LAMB3: variants seen among roughly 807,000 people sequenced by gnomAD.
LAMB3 encodes the protein laminin subunit beta-3.
Under a neutral mutation model 140.3 loss-of-function variants are expected in LAMB3, and 104 were observed. That is an observed-to-expected ratio of 0.74 (90% CI 0.63 to 0.87). LAMB3 has a LOEUF of 0.87. LAMB3 is among the 40% of genes least tolerant of loss of function. The pLI is 0.00. For missense variants in LAMB3, 1,531 were observed against 1,575.2 expected (o/e 0.97, Z 0.47); for synonymous variants, 592 against 602.9 (o/e 0.98, Z 0.26).
At chr1:209,632,991 A>C in intron 7 of LAMB3, 79 bp downstream of exon 7, 1 of 1,211,660 alleles carries the variant, frequency 8.3e-7, no homozygotes, top group South Asian at 1.2e-5. Context: ...AAAGACCAGG[A>C]AATTTCCATG....
chr1:209,626,005 C>T lies in LAMB3; in HGVS notation c.1619G>A (p.Gly540Glu), dbSNP rs758869121. The change falls in exon 14 of 23, where the codon GGA becomes GAA. Residue 540 changes from glycine (G) to glutamate (E), a missense_variant. Gly to Glu is a moderately conservative substitution (Grantham distance 98, BLOSUM62 -2). Transcript: ENST00000356082. Reference protein sequence around the residue: ...GCRACDCDFRGTEGPGCDKAS... With the variant: ...GCRACDCDFRETEGPGCDKAS... ...CTTGTCGCAGCCCGGGCCCTCTGTT[C>T]CCCGGAAATCACAGTCACAGGCTAG... 1.2e-6 allele frequency: 2 copies of T among 1,612,964 alleles called. No individual in the cohort carries two copies. Among genetic ancestry groups the T allele is most frequent in the South Asian group, 2.2e-5 (2 of 90,940 alleles).
Position 209,625,928 on chromosome 1 carries a change from G to C in LAMB3, c.1696C>G (p.Gln566Glu), listed in dbSNP as rs766530868. Residue 566 changes from glutamine to glutamate, a missense_variant, in exon 14 of 23, where the codon CAG becomes GAG. Physicochemically the swap from Gln to Glu is conservative, Grantham distance 29. Coordinates refer to ENST00000356082, the MANE Select transcript of LAMB3 (RefSeq NM_000228.3). ...CGATTACAGTAGCCTCGCTGGCACT[G>C]GTCACAGCGGGGCCCGGTCAAGCCA... The part of the protein sequence containing the change: ...RPGLTGPRCD[Q>E]CQRGYCNRYP... 1 of 1,613,784 alleles carries C rather than the reference G, an allele frequency of 6.2e-7. No individual in the cohort carries two copies. Among genetic ancestry groups the C allele is most frequent in the Non-Finnish European group, 8.5e-7 (1 of 1,179,876 alleles).
intron 6 of LAMB3, among the ~76,000 whole-genome samples, chr1:209,633,562 C>CA (rs753607815): frequency 0.043 from 6,002 of 140,686 alleles, 373 homozygotes; most frequent in African/African-American, 0.14. Context: ...TTGATTTATT[C>CA]AAAAAAAAAA....
Position 209,623,730 on chromosome 1 carries a change from G to A in LAMB3, c.2138-5C>T, listed in dbSNP as rs1666304897. 3.1e-6 allele frequency: 5 copies of A among 1,613,916 alleles called. No homozygotes were observed. The highest frequency in any genetic ancestry group is 4.2e-6 in the Non-Finnish European group (5 of 1,180,008). ...TGCTCAGCATCCGGAAGGCTCCTGT[G>A]GCGAGAAGCATGAGGAATGGAGATG... On this transcript the variant is annotated splice_region_variant and splice_polypyrimidine_tract_variant and intron_variant, in intron 15 of 22. Coordinates refer to ENST00000356082, the MANE Select transcript of LAMB3 (RefSeq NM_000228.3). This position sits in a 1 kb window ranked among gnomAD's most constrained non-coding sequence, Gnocchi z 4.2.
At chr1:209,646,410 GA>G (rs1477663246) in intron 3 of LAMB3, among the ~76,000 whole-genome samples, 1 of 152,138 alleles carries the variant, frequency 6.6e-6, no homozygotes. Context: ...TTCACACATG[GA>G]AAAATGGTGG....
chr1:209,629,030 G>A (rs779899820), intron 10 of LAMB3, among the ~76,000 whole-genome samples: 8 of 152,180 alleles, frequency 5.3e-5, no homozygotes, highest in Non-Finnish European at 8.8e-5. Context: ...TCAACAGAAA[G>A]TGACTCAGCT....
At chr1:209,647,591 G>A (rs148141744) in intron 3 of LAMB3, among the ~76,000 whole-genome samples, 139 of 152,312 alleles carry the variant, frequency 9.1e-4, no homozygotes, top group African/African-American at 3.2e-3. Flanking sequence ...TTGGCTTCAG[G>A]GAAGTGTGTC....
chr1:209,628,560 G>A (rs568345212), intron 10 of LAMB3, among the ~76,000 whole-genome samples: 30 of 152,276 alleles, frequency 2.0e-4, no homozygotes, highest in Admixed American at 3.3e-4. Context: ...AGCCAGGCAC[G>A]GTGGCGCATG....
intron 22 of LAMB3, among the ~76,000 whole-genome samples, chr1:209,615,903 T>A (rs775149691): frequency 6.6e-6 from 1 of 152,160 alleles, no homozygotes; most frequent in African/African-American, 2.4e-5. Context: ...CAAGTCATGT[T>A]GACCTCATGC....
chr1:209,637,027 G>A (rs771145609), intron 5 of LAMB3, among the ~76,000 whole-genome samples: 21 of 152,224 alleles, frequency 1.4e-4, no homozygotes, highest in Non-Finnish European at 2.9e-4. Context: ...ACAAATAAAT[G>A]AACAGGTGAG....
chr1:209,623,918 T>C lies in LAMB3; in HGVS notation c.2059A>G (p.Arg687Gly). 2.5e-6 allele frequency: 4 copies of C among 1,613,128 alleles called. No homozygotes were observed. The highest frequency in any genetic ancestry group is 1.7e-4 in the Middle Eastern group (1 of 6,058). The change falls in exon 15 of 23, where the codon AGA (arginine) becomes GGA (glycine). Residue 687 changes from arginine (R) to glycine (G), a missense_variant. Physicochemically the swap from Arg to Gly is moderately radical, Grantham distance 125. Coordinates refer to ENST00000356082, the MANE Select transcript of LAMB3 (RefSeq NM_000228.3). This position sits in a 1 kb window ranked among gnomAD's most constrained non-coding sequence, Gnocchi z 4.2. ...ATAGTAAGGAGACCATTGAAGCTTCTGTCAAGACTCTCCAGGTCTCTCGGA... is the reference window on the plus strand; with the variant it reads ...ATAGTAAGGAGACCATTGAAGCTTCCGTCAAGACTCTCCAGGTCTCTCGGA... ...SLPRDLESLD[R>G]SFNGLLTMYQ...
chr1:209,619,947 A>G (rs1196916015), intron 18 of LAMB3, among the ~76,000 whole-genome samples: 1 of 152,154 alleles, frequency 6.6e-6, no homozygotes, highest in East Asian at 1.9e-4. Flanking sequence ...TCCCAGCAGC[A>G]AGCTTTCATA....
At chr1:209,650,718 A>G (rs2076557822) in intron 2 of LAMB3, among the ~76,000 whole-genome samples, 199 bp downstream of exon 2, 1 of 152,254 alleles carries the variant, frequency 6.6e-6, no homozygotes, top group Admixed American at 6.5e-5. Context: ...GAGCCTTTCC[A>G]GAGTGGCAGA....
intron 2 of LAMB3, among the ~76,000 whole-genome samples, chr1:209,650,410 C>T (rs1477665102): frequency 2.0e-5 from 3 of 152,198 alleles, no homozygotes; most frequent in Non-Finnish European, 4.4e-5. Context: ...GACATAGACT[C>T]GGCCATCATG....
chr1:209,627,917 T>A, intron 11 of LAMB3, 118 bp downstream of exon 11: 3 of 1,327,784 alleles, frequency 2.3e-6, no homozygotes, highest in South Asian at 2.5e-5. Flanking sequence ...GCATACCCCC[T>A]CTGTCTACCC....
Position 209,623,725 on chromosome 1 carries a change from C to A in LAMB3, c.2138G>T (p.Gly713Val). ...FEKISSADPSGAFRMLSTAYE... is the reference protein window; with the variant it reads ...FEKISSADPSVAFRMLSTAYE... ...GGCTGTGCTCAGCATCCGGAAGGCT[C>A]CTGTGGCGAGAAGCATGAGGAATGG... is the stretch of plus-strand genomic sequence containing the variant. Residue 713 changes from glycine (G) to valine (V), a missense_variant and splice_region_variant, in exon 16 of 23, where the codon GGA becomes GTA. By Grantham distance (109) the Gly-to-Val change is moderately radical. Coordinates refer to ENST00000356082, the MANE Select transcript of LAMB3 (RefSeq NM_000228.3). The surrounding 1 kb of genome is among the most constrained non-coding windows in gnomAD (Gnocchi z 4.2). 2.5e-6 allele frequency: 4 copies of A among 1,613,968 alleles called. No individual in the cohort carries two copies. The highest frequency in any genetic ancestry group is 3.4e-6 in the Non-Finnish European group (4 of 1,180,018).
chr1:209,624,724 G>A (rs190482763), intron 14 of LAMB3, among the ~76,000 whole-genome samples: 51 of 152,236 alleles, frequency 3.4e-4, no homozygotes, highest in African/African-American at 7.0e-4. Flanking sequence ...TATAACATGC[G>A]TCACATTATA....
rs1208031333 is a variant in LAMB3 at position 209,623,623 on chromosome 1, C to T, written c.2240G>A (p.Arg747Lys). 6.2e-7 allele frequency: 1 copy of T among 1,614,258 alleles called. No homozygotes were observed. Among genetic ancestry groups the T allele is most frequent in the Admixed American group, 1.7e-5 (1 of 60,032 alleles). Reference protein sequence around the residue: ...RLLDQLRDSRREAERLVRQAG... With the variant: ...RLLDQLRDSRKEAERLVRQAG... Reference sequence around the variant, plus strand: ...CTGCCGCACCAGCCTCTCTGCCTCTCTCCGGCTGTCCCTGAGCTGGTCCAA... The same window carrying T: ...CTGCCGCACCAGCCTCTCTGCCTCTTTCCGGCTGTCCCTGAGCTGGTCCAA... The change falls in exon 16 of 23, where the codon AGA becomes AAA. Residue 747 changes from arginine (R) to lysine (K), a missense_variant. Arg to Lys is a conservative substitution (Grantham distance 26). Transcript: ENST00000356082. This position sits in a 1 kb window ranked among gnomAD's most constrained non-coding sequence, Gnocchi z 4.2.
chr1:209,616,640 T>C lies in LAMB3; in HGVS notation c.3229-16A>G, dbSNP rs1247161654. The C allele has an allele frequency of 6.2e-6, 10 of 1,613,808 alleles. No homozygotes were observed. Among genetic ancestry groups the C allele is most frequent in the South Asian group, 1.1e-5 (1 of 91,076 alleles). ...TCTCAAATCCCTGAAAAAGGTAGAA[T>C]AGTCTCAGTGTCATTGTCATCATGC... is the stretch of plus-strand genomic sequence containing the variant. On this transcript the variant is annotated splice_polypyrimidine_tract_variant and intron_variant, in intron 21 of 22. Transcript: ENST00000356082.
Sources: allele counts gnomAD v4.1 joint callset (sites outside exome capture counted in the v4.1 genomes callset), GRCh38; gene constraint gnomAD v4.1.1; non-coding constraint Gnocchi (gnomAD v3.1); transcripts MANE v1.5; gene names NCBI Gene and HGNC (gene_info 2026-07-23, HGNC 2026-07-21).